Variants in ATXN2 observed in about 807,000 individuals in gnomAD.
The protein encoded by ATXN2 is ataxin-2.
Under a neutral mutation model 138.6 loss-of-function variants are expected in ATXN2, and 37 were observed. That is an observed-to-expected ratio of 0.27 (90% CI 0.21 to 0.35). The LOEUF is 0.35. ATXN2 is among the 10% of genes least tolerant of loss of function. ATXN2 has a pLI of 1.00. For synonymous variants in ATXN2, 549 were observed against 543.7 expected (o/e 1.01, Z -0.13); for missense variants, 1,216 against 1,480.3 (o/e 0.82, Z 2.93).
chr12:111,470,490 T>C, intron 19 of ATXN2, 68 bp downstream of exon 19: 1 of 1,541,346 alleles, frequency 6.5e-7, no homozygotes, highest in Non-Finnish European at 8.9e-7. Flanking sequence ...TAAAGGAAAA[T>C]CCCTTTACCA....
rs10400565 is a variant in ATXN2 at position 111,485,662 on chromosome 12, C to T, written c.2457+51G>A. The T allele has an allele frequency of 0.02, 31,701 of 1,599,824 alleles. 5,017 individuals are homozygous for T. The African/African-American group carries it at 0.36, about 18-fold the overall frequency. ...TGAAAACCTAAAGAGTGCTTGGTGT[C>T]AGATACAAACAATTGGGGAGGCTAA... On this transcript the variant is annotated intron_variant, in intron 17 of 24. Transcript: ENST00000673436.
chr12:111,570,328 C>T lies in ATXN2; in HGVS notation c.252-14409G>A, dbSNP rs762407787. On this transcript the variant is annotated intron_variant, in intron 1 of 24. Transcript: ENST00000673436. ...GGAGAGGGGAGTATAGCTGAAACAACGTTGGCCATTTACTGATAACTGCTA... is the reference window on the plus strand; with the variant it reads ...GGAGAGGGGAGTATAGCTGAAACAATGTTGGCCATTTACTGATAACTGCTA... Among the ~76,000 whole-genome samples the T allele has an allele frequency of 6.6e-5, 10 of 152,260 alleles. No homozygotes were observed. The South Asian group carries it at 8.3e-4, about 13-fold the overall frequency.
At chr12:111,543,265 G>GT (rs1420205007) in intron 5 of ATXN2, among the ~76,000 whole-genome samples, 3 of 152,096 alleles carry the variant, frequency 2.0e-5, no homozygotes, top group Non-Finnish European at 4.4e-5. Context: ...AGAGATCCCT[G>GT]TTTGTTACTC....
At chr12:111,557,123 G>C (rs1882437669) in intron 1 of ATXN2, among the ~76,000 whole-genome samples, 2 of 152,152 alleles carry the variant, frequency 1.3e-5, no homozygotes, top group African/African-American at 2.4e-5. Flanking sequence ...TCATTAAAGT[G>C]AAATGTTATA....
At chr12:111,539,226 G>C (rs894663342) in intron 5 of ATXN2, among the ~76,000 whole-genome samples, 1 of 150,238 alleles carries the variant, frequency 6.7e-6, no homozygotes, top group Admixed American at 6.7e-5. Flanking sequence ...GCTTAAGCCT[G>C]TAATCCGAGC....
At chr12:111,481,281 C>T (rs1488731568) in intron 18 of ATXN2, among the ~76,000 whole-genome samples, 1 of 152,064 alleles carries the variant, frequency 6.6e-6, no homozygotes, top group Non-Finnish European at 1.5e-5. Flanking sequence ...TCCATCTCTA[C>T]AAAAAATATA....
chr12:111,598,626 G>T lies in ATXN2; in HGVS notation c.251+158C>A. On this transcript the variant is annotated intron_variant, in intron 1 of 24. Transcript: ENST00000673436. The surrounding 1 kb of genome is among the most constrained non-coding windows in gnomAD (Gnocchi z 4.5). The stretch of plus-strand genomic sequence containing the variant: ...AGGACCCCGGCTGCGCCCACCGGCC[G>T]AGCCTCGGGGCTCAGGCCCGAGCGA... The T allele has an allele frequency of 1.1e-6, 1 of 942,868 alleles. No homozygotes were observed. The highest frequency in any genetic ancestry group is 1.3e-6 in the Non-Finnish European group (1 of 789,502). 58.4% of individuals were successfully genotyped at this position (942,868 alleles called of 1,614,324 possible).
At chr12:111,500,542 A>C (rs756174809) in intron 14 of ATXN2, among the ~76,000 whole-genome samples, 6 of 152,204 alleles carry the variant, frequency 3.9e-5, no homozygotes, top group Admixed American at 1.3e-4. Flanking sequence ...ACTCTGCAGG[A>C]CCGGAGGCAG....
chr12:111,539,732 G>C (rs1205803472), intron 5 of ATXN2, among the ~76,000 whole-genome samples: 5 of 149,694 alleles, frequency 3.3e-5, no homozygotes, highest in African/African-American at 7.3e-5. Context: ...CTGGGCAACA[G>C]AGCAAGACTC....
intron 11 of ATXN2, 157 bp downstream of exon 11, chr12:111,513,200 G>T: frequency 1.3e-6 from 1 of 780,788 alleles, no homozygotes; most frequent in Non-Finnish European, 2.0e-6. Context: ...AAGTGGTAGA[G>T]CCCAGAATAA....
At chr12:111,595,139 G>C (rs1393163198) in intron 1 of ATXN2, among the ~76,000 whole-genome samples, 1 of 152,048 alleles carries the variant, frequency 6.6e-6, no homozygotes, top group Non-Finnish European at 1.5e-5. Context: ...CTTGACACTG[G>C]AAGTAATACA....
At chr12:111,470,378 C>G in intron 19 of ATXN2, 138 bp from the exon 20 acceptor site, 1 of 1,221,152 alleles carries the variant, frequency 8.2e-7, no homozygotes, top group Non-Finnish European at 1.1e-6. Flanking sequence ...TTGGCTGTTT[C>G]CTCTGAACCT....
At chr12:111,522,977 T>TA (rs879482898) in intron 6 of ATXN2, among the ~76,000 whole-genome samples, 157 of 141,246 alleles carry the variant, frequency 1.1e-3, no homozygotes, top group Admixed American at 1.3e-3. Flanking sequence ...AACAGCTCTT[T>TA]AAAAAAAAAA....
chr12:111,561,734 T>A (rs2135798720), intron 1 of ATXN2, among the ~76,000 whole-genome samples: 1 of 152,046 alleles, frequency 6.6e-6, no homozygotes, highest in African/African-American at 2.4e-5. Flanking sequence ...CTTGGGAGGC[T>A]GAGGCACAAG....
intron 1 of ATXN2, among the ~76,000 whole-genome samples, chr12:111,583,790 A>AC (rs397731518): frequency 4.7e-5 from 7 of 150,024 alleles, no homozygotes; most frequent in Non-Finnish European, 8.8e-5. Flanking sequence ...AAAAAAAAAA[A>AC]CAGTGAACCA....
At position 111,598,233 on chromosome 12, in the gene ATXN2, C is replaced by A. The variant is rs1461467682; in HGVS notation, c.251+551G>T. Reference sequence around the variant, plus strand: ...GACTCGGAGGGGGCGGGGAGAGAGCCCCGACAGACCCTGATGATTCCGGAG... The same window carrying A: ...GACTCGGAGGGGGCGGGGAGAGAGCACCGACAGACCCTGATGATTCCGGAG... On this transcript the variant is annotated intron_variant, in intron 1 of 24. Transcript: ENST00000673436. This position sits in a 1 kb window ranked among gnomAD's most constrained non-coding sequence, Gnocchi z 4.5. 12 of 1,045,558 alleles carry A rather than the reference C, an allele frequency of 1.1e-5. No individual in the cohort carries two copies. The East Asian group carries it at 1.0e-3, about 88-fold the overall frequency. 64.8% of individuals were successfully genotyped at this position (1,045,558 alleles called of 1,614,324 possible).
At chr12:111,587,425 C>T (rs1460818904) in intron 1 of ATXN2, among the ~76,000 whole-genome samples, 1 of 151,876 alleles carries the variant, frequency 6.6e-6, no homozygotes, top group Non-Finnish European at 1.5e-5. Flanking sequence ...TTTGGGAAAA[C>T]TAGGTGGGTG....
chr12:111,598,995 GC>G lies in ATXN2; in HGVS notation c.39del (p.Gln13HisfsTer33), dbSNP rs1458738761. 171 of 957,770 alleles carry G rather than the reference GC, an allele frequency of 1.8e-4. 1 individual carries two copies. In the African/African-American group the frequency reaches 2.5e-3, roughly 14 times the overall value. The allele number at this position is 957,770 out of a possible 1,614,324, so 59.3% of individuals were successfully genotyped here. A position where few individuals can be genotyped will look rare whatever the true frequency, so the allele number is the denominator to read the frequency against. On this transcript the variant is annotated frameshift_variant, in exon 1 of 25. Coordinates refer to ENST00000673436, the MANE Select transcript of ATXN2 (RefSeq NM_001372574.1). LOFTEE classifies it high-confidence loss of function. This position sits in a 1 kb window ranked among gnomAD's most constrained non-coding sequence, Gnocchi z 4.5. ...TGCTGCTGTTGCTGCTGCTGCTGCTGCTGCTGCTGCTGCTGCTGCTGCTGGG... is the reference window on the plus strand; with the variant it reads ...TGCTGCTGTTGCTGCTGCTGCTGCTGTGCTGCTGCTGCTGCTGCTGCTGGG... ...LKPQQQQQQQ[Q>X]QQQQQQQQQQ... is the part of the protein sequence containing the mutation.
intron 23 of ATXN2, chr12:111,454,558 T>C (rs1311567853): frequency 6.3e-6 from 1 of 158,448 alleles, no homozygotes; most frequent in African/African-American, 2.4e-5. Context: ...CTGGTCTCAC[T>C]CACTGTCAAG....
Sources: allele counts gnomAD v4.1 joint callset (sites outside exome capture counted in the v4.1 genomes callset), GRCh38; gene constraint gnomAD v4.1.1; non-coding constraint Gnocchi (gnomAD v3.1); transcripts MANE v1.5; gene names NCBI Gene and HGNC (gene_info 2026-07-23, HGNC 2026-07-21).